The following SLC9A9 variants were observed in gnomAD, a reference collection of about 807,000 sequenced individuals.
SLC9A9 encodes solute carrier family 9 member A9.
In SLC9A9, 62 loss-of-function variants were observed where a neutral mutation model predicts 77.8. That is an observed-to-expected ratio of 0.80 (90% CI 0.65 to 0.98). The LOEUF (loss-of-function observed/expected upper bound fraction) is 0.98. SLC9A9 is among the 50% of genes least tolerant of loss of function. The pLI, the probability that SLC9A9 is intolerant of heterozygous loss-of-function variation, is 0.00. For synonymous variants in SLC9A9, 320 were observed against 283.5 expected (o/e 1.13, Z -1.29); for missense variants, 775 against 774.9 (o/e 1.00, Z 0.00).
At chr3:143,333,513 G>A (rs2031836529) in intron 14 of SLC9A9, among the ~76,000 whole-genome samples, 1 of 152,186 alleles carries the variant, frequency 6.6e-6, no homozygotes, top group African/African-American at 2.4e-5. Context: ...CCCGTGCTAT[G>A]CATTTAATTC....
intron 12 of SLC9A9, among the ~76,000 whole-genome samples, chr3:143,412,922 A>G (rs1389725934): frequency 1.3e-5 from 2 of 152,236 alleles, no homozygotes; most frequent in South Asian, 2.1e-4. Context: ...TAGTGGACCA[A>G]TTCTGATTTT....
chr3:143,387,825 G>T (rs2033463638), intron 12 of SLC9A9, among the ~76,000 whole-genome samples: 1 of 151,592 alleles, frequency 6.6e-6, no homozygotes. Context: ...TTTCTTAGAG[G>T]GAAAGCAAGG....
intron 11 of SLC9A9, among the ~76,000 whole-genome samples, chr3:143,471,385 G>A (rs2035375917): frequency 1.3e-5 from 2 of 152,192 alleles, no homozygotes; most frequent in Admixed American, 1.3e-4. Flanking sequence ...TACCTCCTAT[G>A]TGGAGGCTCT....
chr3:143,456,276 T>G (rs1333702422), intron 12 of SLC9A9, among the ~76,000 whole-genome samples: 1 of 152,192 alleles, frequency 6.6e-6, no homozygotes, highest in Non-Finnish European at 1.5e-5. Flanking sequence ...GTAGCCTTTT[T>G]AAGTATTGCT....
intron 11 of SLC9A9, among the ~76,000 whole-genome samples, chr3:143,470,685 C>G (rs993977283): frequency 6.6e-6 from 1 of 151,826 alleles, no homozygotes; most frequent in Non-Finnish European, 1.5e-5. Context: ...GTGACAAAGA[C>G]GAGAAACTAG....
chr3:143,415,112 T>C lies in SLC9A9; in HGVS notation c.1470-32998A>G, dbSNP rs140854131. Among the ~76,000 whole-genome samples the C allele has an allele frequency of 9.8e-3, 1,496 of 152,192 alleles. 21 individuals are homozygous for C. The highest frequency in any genetic ancestry group is 0.034 in the African/African-American group (1,424 of 41,530). ...CTAACTCTCTTCAATTCTGTGAAGA[T>C]TGAGAGGGGTGAGGAAACTGCAGAA... is the stretch of plus-strand genomic sequence containing the variant. On this transcript the variant is annotated intron_variant, in intron 12 of 15. Coordinates refer to ENST00000316549, the MANE Select transcript of SLC9A9 (RefSeq NM_173653.4).
chr3:143,748,857 C>A (rs1453108911), intron 4 of SLC9A9, among the ~76,000 whole-genome samples: 1 of 151,598 alleles, frequency 6.6e-6, no homozygotes, highest in Non-Finnish European at 1.5e-5. Flanking sequence ...GCGCCCGCCA[C>A]CGCGCCCGGC....
intron 4 of SLC9A9, among the ~76,000 whole-genome samples, chr3:143,722,459 C>G (rs1191054518): frequency 2.1e-4 from 24 of 112,056 alleles, no homozygotes; most frequent in African/African-American, 8.3e-4. Flanking sequence ...GGCGACAGAG[C>G]GAGACTCCAT....
intron 4 of SLC9A9, among the ~76,000 whole-genome samples, chr3:143,712,841 G>T (rs533731659): frequency 6.6e-6 from 1 of 152,218 alleles, no homozygotes; most frequent in South Asian, 2.1e-4. Context: ...AAATCTAATT[G>T]CACTACAGAA....
intron 6 of SLC9A9, among the ~76,000 whole-genome samples, chr3:143,587,132 G>GTATCAGT (rs1234072579): frequency 2.0e-5 from 3 of 152,168 alleles, no homozygotes; most frequent in Non-Finnish European, 4.4e-5. Flanking sequence ...AGTGTATCAT[G>GTATCAGT]GCTTCCTCGG....
At chr3:143,349,817 G>C (rs2032399995) in intron 14 of SLC9A9, among the ~76,000 whole-genome samples, 1 of 152,156 alleles carries the variant, frequency 6.6e-6, no homozygotes, top group African/African-American at 2.4e-5. Context: ...GACTGAATTA[G>C]CACAAAATAC....
intron 14 of SLC9A9, among the ~76,000 whole-genome samples, chr3:143,345,891 C>A (rs2032256766): frequency 1.0e-5 from 1 of 100,176 alleles, no homozygotes; most frequent in Non-Finnish European, 2.4e-5. Context: ...GGAGAAAGGA[C>A]AGACATTAGT....
At chr3:143,318,137 G>A (rs1243947792) in intron 14 of SLC9A9, among the ~76,000 whole-genome samples, 1 of 152,158 alleles carries the variant, frequency 6.6e-6, no homozygotes, top group Non-Finnish European at 1.5e-5. Context: ...TGTTGATGTA[G>A]TCTTTTTATT....
At chr3:143,350,466 C>T (rs1009063630) in intron 14 of SLC9A9, among the ~76,000 whole-genome samples, 6 of 152,186 alleles carry the variant, frequency 3.9e-5, no homozygotes, top group African/African-American at 1.4e-4. Context: ...TTTCCGTGAA[C>T]ACATCTTGTT....
chr3:143,676,137 C>G (rs1164661905), intron 5 of SLC9A9, among the ~76,000 whole-genome samples: 4 of 152,166 alleles, frequency 2.6e-5, no homozygotes, highest in Non-Finnish European at 5.9e-5. Flanking sequence ...CTATGACAAT[C>G]TAATGCTGCC....
At chr3:143,386,792 A>T (rs2033437010) in intron 12 of SLC9A9, among the ~76,000 whole-genome samples, 1 of 152,052 alleles carries the variant, frequency 6.6e-6, no homozygotes, top group Non-Finnish European at 1.5e-5. Flanking sequence ...GCAAAACATT[A>T]TTTCTGTTTA....
chr3:143,764,665 T>G (rs1322340762), intron 4 of SLC9A9, among the ~76,000 whole-genome samples: 1 of 152,156 alleles, frequency 6.6e-6, no homozygotes, highest in African/African-American at 2.4e-5. Context: ...CTCAAGTGAT[T>G]CTCCTATTCA....
intron 4 of SLC9A9, among the ~76,000 whole-genome samples, chr3:143,717,664 T>C (rs970491929): frequency 9.2e-5 from 14 of 152,240 alleles, no homozygotes; most frequent in Non-Finnish European, 1.9e-4. Context: ...TTCAATCTTT[T>C]ACATCACTGG....
At chr3:143,565,085 A>T (rs141586155) in intron 8 of SLC9A9, among the ~76,000 whole-genome samples, 1 of 152,120 alleles carries the variant, frequency 6.6e-6, no homozygotes, top group Admixed American at 6.6e-5. Flanking sequence ...GTGATCAGCA[A>T]TCTCACCCCA....
Sources: allele counts gnomAD v4.1 joint callset (sites outside exome capture counted in the v4.1 genomes callset), GRCh38; gene constraint gnomAD v4.1.1; transcripts MANE v1.5; gene names NCBI Gene and HGNC (gene_info 2026-07-23, HGNC 2026-07-21).